Variants in IL12RB1 observed in about 807,000 individuals in gnomAD.
IL12RB1 encodes interleukin-12 receptor subunit beta-1.
A neutral mutation model predicts 94.4 loss-of-function variants in IL12RB1; 64 were observed. That is an observed-to-expected ratio of 0.68 (90% CI 0.55 to 0.83). The LOEUF (loss-of-function observed/expected upper bound fraction) is 0.83, where lower values mean the gene tolerates loss of function less well. Among genes scored for constraint, IL12RB1 ranks in the 40% least tolerant of loss-of-function variants. The pLI is 0.00. For synonymous variants in IL12RB1, 362 were observed against 355.5 expected (o/e 1.02, Z -0.21); for missense variants, 814 against 855.6 (o/e 0.95, Z 0.61).
chr19:18,059,992 T>C lies in IL12RB1; in HGVS notation c.1885A>G (p.Thr629Ala). The change falls in exon 16 of 17, where the codon ACT (threonine) becomes GCT (alanine). Residue 629 changes from threonine (T) to alanine (A), a missense_variant. Coordinates refer to ENST00000593993, the MANE Select transcript of IL12RB1 (RefSeq NM_005535.3). ...AGCTCTGTCTTCTCGAGAGGCTCAG[T>C]CCTCTCGCCTTTGTCCCAGGACATC... ...VEMSWDKGER[T>A]EPLEKTELPE... 6.3e-7 allele frequency: 1 copy of C among 1,593,386 alleles called. No individual in the cohort carries two copies. The highest frequency in any genetic ancestry group is 8.6e-7 in the Non-Finnish European group (1 of 1,164,112).
rs561336331 is a variant in IL12RB1, at chr19:18,072,519, G to T, written c.784-170C>A. Reference sequence around the variant, plus strand: ...CTCAATGCTGGCAAAGCTGCTGTGAGACAGGCATTCACCTCCCGCACACAT... The same window carrying T: ...CTCAATGCTGGCAAAGCTGCTGTGATACAGGCATTCACCTCCCGCACACAT... On this transcript the variant is annotated intron_variant, in intron 8 of 16. Coordinates refer to ENST00000593993, the MANE Select transcript of IL12RB1 (RefSeq NM_005535.3). 9.9e-5 allele frequency among the ~76,000 whole-genome samples: 15 copies of T among 152,274 alleles called. No individual in the cohort carries two copies. The South Asian group carries it at 3.1e-3, about 32-fold the overall frequency.
At chr19:18,079,107 T>A (rs2146358055) in intron 4 of IL12RB1, among the ~76,000 whole-genome samples, 1 of 150,826 alleles carries the variant, frequency 6.6e-6, no homozygotes, top group East Asian at 1.9e-4. Flanking sequence ...ACTTAAAATT[T>A]TTTTTTTTTT....
intron 12 of IL12RB1, 124 bp from the exon 13 acceptor site, chr19:18,064,134 CTTTCTTTTTTTTTTT>C (rs1341870444): frequency 2.6e-6 from 1 of 379,416 alleles, no homozygotes; most frequent in Non-Finnish European, 4.9e-6. Context: ...TCTACTCTTT[CTTTCTTTTTTTTTTT>C]TTTTTTTTGA....
intron 2 of IL12RB1, among the ~76,000 whole-genome samples, chr19:18,082,759 C>T (rs1568518850): frequency 6.6e-6 from 1 of 152,164 alleles, no homozygotes; most frequent in Non-Finnish European, 1.5e-5. Context: ...AGACCCTTTT[C>T]AGGGTGCATT....
Position 18,086,782 on chromosome 19 carries a change from G to A in IL12RB1, c.42C>T (p.Leu14=), listed in dbSNP as rs2036373301. ...CACCGCCCTGCCTGGACAGCAGGAA[G>A]AGGAAGAGGAGGGGGACCACCCAGG... ...LVTWVVPLLF[L]FLLSRQGAAC... The change falls in exon 1 of 17, where the codon CTC becomes CTT. Residue 14 remains leucine (L), a synonymous_variant. Transcript: ENST00000593993. 3.1e-6 allele frequency: 5 copies of A among 1,611,884 alleles called. No homozygotes were observed. The highest frequency in any genetic ancestry group is 4.2e-6 in the Non-Finnish European group (5 of 1,179,366).
intron 2 of IL12RB1, 103 bp downstream of exon 2, chr19:18,083,329 G>A (rs1188725873): frequency 9.4e-7 from 1 of 1,065,910 alleles, no homozygotes; most frequent in Admixed American, 1.7e-5. Context: ...AGGCAGGGCT[G>A]GGTCTTTGGC....
intron 1 of IL12RB1, among the ~76,000 whole-genome samples, chr19:18,092,256 C>T (rs2036663611): frequency 6.7e-6 from 1 of 149,530 alleles, no homozygotes; most frequent in Admixed American, 6.7e-5. Context: ...TTGGGAAGGC[C>T]GAGGTGGGCA....
intron 1 of IL12RB1, among the ~76,000 whole-genome samples, chr19:18,093,197 C>T (rs533307127): frequency 6.6e-6 from 1 of 151,802 alleles, no homozygotes; most frequent in South Asian, 2.1e-4. Context: ...TCCAGCTACT[C>T]GGGAGGCTGA....
At chr19:18,063,458 C>T (rs764758554) in intron 13 of IL12RB1, among the ~76,000 whole-genome samples, 1 of 151,964 alleles carries the variant, frequency 6.6e-6, no homozygotes, top group Admixed American at 6.6e-5. Context: ...CAGATTCCTG[C>T]ATCTTCCTCC....
intron 13 of IL12RB1, among the ~76,000 whole-genome samples, chr19:18,063,073 CTTCTA>C (rs2034273803): frequency 6.4e-5 from 7 of 109,318 alleles, no homozygotes; most frequent in African/African-American, 2.4e-4. Context: ...CCTTCTTCTT[CTTCTA>C]TTTTTTTTTT....
rs146836761 is a variant in IL12RB1, at chr19:18,075,897, C to A, written c.581-29G>T. ...GGGAGAGGCAGGTCGAACATCAGGC[C>A]GTAAGAATTGTCCAGGACTTGGCAC... On this transcript the variant is annotated intron_variant, in intron 6 of 16. Transcript: ENST00000593993. 6 of 1,610,026 alleles carry A rather than the reference C, an allele frequency of 3.7e-6. No individual in the cohort carries two copies. The Admixed American group carries it at 8.3e-5, about 22-fold the overall frequency.
At position 18,073,563 on chromosome 19, in the gene IL12RB1, T is replaced by C; in HGVS notation, c.737A>G (p.Glu246Gly). ...PPQPQVRFSV[E>G]QLGQDGRRRL... is the part of the protein sequence containing the mutation. Reference sequence around the variant, plus strand: ...CCTCCTCCCATCCTGGCCCAGCTGCTCCACCGAGAATCTCACCTGAGGCTG... The same window carrying C: ...CCTCCTCCCATCCTGGCCCAGCTGCCCCACCGAGAATCTCACCTGAGGCTG... Residue 246 changes from glutamate (E) to glycine (G), a missense_variant, in exon 8 of 17, where the codon GAG becomes GGG. Glu to Gly is a moderately conservative substitution (Grantham distance 98). Coordinates refer to ENST00000593993, the MANE Select transcript of IL12RB1 (RefSeq NM_005535.3). 2 of 1,597,906 alleles carry C rather than the reference T, an allele frequency of 1.3e-6. No homozygotes were observed. Among genetic ancestry groups the C allele is most frequent in the South Asian group, 1.1e-5 (1 of 90,484 alleles).
intron 1 of IL12RB1, among the ~76,000 whole-genome samples, chr19:18,093,344 A>ATATATATATATATG (rs1224767884): frequency 1.6e-4 from 23 of 142,708 alleles, no homozygotes; most frequent in African/African-American, 5.7e-4. Flanking sequence ...ATATATATAT[A>ATATATATATATATG]TATACTTGTG....
chr19:18,073,645 G>C (rs777516136), intron 7 of IL12RB1, 46 bp from the exon 8 acceptor site: 1 of 1,104,928 alleles, frequency 9.1e-7, no homozygotes, highest in Non-Finnish European at 1.4e-6. Context: ...AGGAGAGAAA[G>C]ACTGATGGAT....
intron 1 of IL12RB1, among the ~76,000 whole-genome samples, chr19:18,084,353 T>C (rs567370399): frequency 1.4e-4 from 21 of 147,828 alleles, no homozygotes; most frequent in African/African-American, 5.0e-4. Flanking sequence ...CACCCCACCA[T>C]CCACCCATTT....
chr19:18,071,343 G>T, intron 9 of IL12RB1: 1 of 924,774 alleles, frequency 1.1e-6, no homozygotes, highest in Non-Finnish European at 1.5e-6. Context: ...TCTGTCACAA[G>T]AAAAAAAAGA....
Position 18,077,535 on chromosome 19 carries a change from G to C in IL12RB1, c.530C>G (p.Pro177Arg). Residue 177 changes from proline to arginine, a missense_variant, in exon 5 of 17, where the codon CCC becomes CGC. By Grantham distance (103) the Pro-to-Arg change is moderately radical (BLOSUM62 -2). Transcript: ENST00000593993. ...GAEVQFRHRT[P>R]SSPWKLGDCG... ...ACTCACCAACTTCCATGGGCTGCTGGGTGTCCGGTGCCGGAACTGCACCTC... is the reference window on the plus strand; with the variant it reads ...ACTCACCAACTTCCATGGGCTGCTGCGTGTCCGGTGCCGGAACTGCACCTC... 6.2e-7 allele frequency: 1 copy of C among 1,611,742 alleles called. No homozygotes were observed. The highest frequency in any genetic ancestry group is 8.5e-7 in the Non-Finnish European group (1 of 1,178,796).
upstream of IL12RB1, among the ~76,000 whole-genome samples, chr19:18,089,114 T>G (rs939395654): frequency 2.7e-5 from 4 of 150,558 alleles, no homozygotes; most frequent in Non-Finnish European, 4.4e-5. Context: ...ACACACTGTA[T>G]GATTCCACTT....
chr19:18,063,557 G>T (rs1007351174), intron 13 of IL12RB1, among the ~76,000 whole-genome samples: 1 of 152,182 alleles, frequency 6.6e-6, no homozygotes, highest in Non-Finnish European at 1.5e-5. Context: ...ACAAGGGCAT[G>T]GCCAGAAGGA....
Sources: allele counts gnomAD v4.1 joint callset (sites outside exome capture counted in the v4.1 genomes callset), GRCh38; gene constraint gnomAD v4.1.1; transcripts MANE v1.5; gene names NCBI Gene and HGNC (gene_info 2026-07-23, HGNC 2026-07-21).